The following GDAP1 variants were observed in gnomAD, a reference collection of about 807,000 sequenced individuals.
GDAP1 encodes ganglioside-induced differentiation-associated protein 1.
In GDAP1, 34 loss-of-function variants were observed where a neutral mutation model predicts 40.1. The observed-to-expected ratio is 0.85, with a 90% CI of 0.64 to 1.13. The LOEUF (loss-of-function observed/expected upper bound fraction) is 1.13, where lower values mean the gene tolerates loss of function less well. Ranked by LOEUF, GDAP1 falls within the 50% of genes most tolerant of loss-of-function variation. The pLI is 0.00. For synonymous variants in GDAP1, 170 were observed against 157.4 expected, an observed-to-expected ratio of 1.08 and a Z score of -0.60; for missense variants, 374 against 433.7, an observed-to-expected ratio of 0.86 and a Z score of 1.22.
At chr8:74,445,086 G>A (rs186682865) in intron 2 of GDAP1, among the ~76,000 whole-genome samples, 1 of 152,128 alleles carries the variant, frequency 6.6e-6, no homozygotes, top group Admixed American at 6.6e-5. Context: ...CGTCCTAGTC[G>A]ACAAGCAAGT....
chr8:74,467,507 G>A (rs534668663), intron 2 of GDAP1, among the ~76,000 whole-genome samples: 127 of 152,300 alleles, frequency 8.3e-4, no homozygotes, highest in African/African-American at 2.8e-3. Flanking sequence ...TTTTAAGTGG[G>A]TAAGTTCAGT....
intron 2 of GDAP1, among the ~76,000 whole-genome samples, chr8:74,413,351 C>G (rs1208499439): frequency 6.7e-6 from 1 of 149,834 alleles, no homozygotes; most frequent in African/African-American, 2.6e-5. Context: ...TTACCATTCC[C>G]CCTTCCGGGT....
chr8:74,357,653 C>T (rs1298990539), intron 2 of GDAP1, among the ~76,000 whole-genome samples: 2 of 152,132 alleles, frequency 1.3e-5, no homozygotes, highest in Non-Finnish European at 2.9e-5. Context: ...GATCTTGTGC[C>T]AACTTATTTG....
intron 2 of GDAP1, among the ~76,000 whole-genome samples, chr8:74,475,912 G>A (rs1309624107): frequency 6.6e-6 from 1 of 152,128 alleles, no homozygotes; most frequent in African/African-American, 2.4e-5. Flanking sequence ...TTGTGTGGGA[G>A]TCTAAGTCTC....
At position 74,361,932 on chromosome 8, in the gene GDAP1, A is replaced by G. The variant is rs1586804849; in HGVS notation, c.533A>G (p.Asn178Ser). The stretch of plus-strand genomic sequence containing the variant: ...GAGCTGAAGAAACTTGCTGAAGAAA[A>G]CCCAGATTTACAAGAAGCATACATT... The part of the protein sequence containing the change: ...ESELKKLAEE[N>S]PDLQEAYIAK... Residue 178 changes from asparagine (N) to serine (S), a missense_variant, in exon 4 of 6, where the codon AAC (asparagine) becomes AGC (serine). Physicochemically the swap from Asn to Ser is conservative, Grantham distance 46 (BLOSUM62 1). Transcript: ENST00000220822. 1 of 1,610,748 alleles carries G rather than the reference A, an allele frequency of 6.2e-7. No homozygotes were observed. Among genetic ancestry groups the G allele is most frequent in the Non-Finnish European group, 8.5e-7 (1 of 1,177,222 alleles).
intron 2 of GDAP1, among the ~76,000 whole-genome samples, chr8:74,471,167 A>G (rs966220840): frequency 3.3e-5 from 5 of 152,012 alleles, no homozygotes; most frequent in Admixed American, 2.6e-4. Flanking sequence ...AGATGAGTAG[A>G]TTGCAAAAAT....
At chr8:74,369,846 T>C (rs1809718478), downstream of GDAP1, among the ~76,000 whole-genome samples, 1 of 152,066 alleles carries the variant, frequency 6.6e-6, no homozygotes, top group Non-Finnish European at 1.5e-5. Context: ...AGAATGATGA[T>C]AAGAATGTGT....
intron 2 of GDAP1, among the ~76,000 whole-genome samples, chr8:74,484,870 C>G (rs1224411334): frequency 6.6e-6 from 1 of 152,100 alleles, no homozygotes; most frequent in African/African-American, 2.4e-5. Context: ...CAAAAAATCT[C>G]TGGTCTATGT....
At chr8:74,475,441 A>AAC (rs1331292635) in intron 2 of GDAP1, among the ~76,000 whole-genome samples, 1 of 152,048 alleles carries the variant, frequency 6.6e-6, no homozygotes, top group Admixed American at 6.5e-5. Context: ...TTTTCCTTTT[A>AAC]ACACTTCCTT....
At chr8:74,478,148 G>A (rs1806659192) in intron 2 of GDAP1, among the ~76,000 whole-genome samples, 1 of 151,976 alleles carries the variant, frequency 6.6e-6, no homozygotes, top group Non-Finnish European at 1.5e-5. Flanking sequence ...TAGGGGTGGG[G>A]CTGGTAGGTT....
At chr8:74,466,217 A>G (rs545229107) in intron 2 of GDAP1, among the ~76,000 whole-genome samples, 4 of 152,354 alleles carry the variant, frequency 2.6e-5, no homozygotes, top group East Asian at 3.9e-4. Flanking sequence ...GATATTGAGT[A>G]TCTCTGGATT....
chr8:74,442,387 A>C (rs992669452), intron 2 of GDAP1, among the ~76,000 whole-genome samples: 2 of 152,096 alleles, frequency 1.3e-5, no homozygotes, highest in Non-Finnish European at 2.9e-5. Flanking sequence ...CACTTCCTCA[A>C]CTCAGTAGCC....
In GDAP1 at chr8:74,485,343, A is replaced by G. The variant is rs114131766; in HGVS notation, c.166-3335A>G. 6.3e-3 allele frequency among the ~76,000 whole-genome samples: 965 copies of G among 152,304 alleles called. 13 individuals are homozygous for G. Among genetic ancestry groups the G allele is most frequent in the African/African-American group, 0.017 (686 of 41,574 alleles). Reference sequence around the variant, plus strand: ...CTATACCAAGAACTGTGACAGATACAAATGAAATAGAGTGACCATTAGTCC... The same window carrying G: ...CTATACCAAGAACTGTGACAGATACGAATGAAATAGAGTGACCATTAGTCC... On this transcript the variant is annotated intron_variant, in intron 2 of 2. Coordinates refer to the GDAP1 transcript ENST00000523640.
chr8:74,444,768 T>G (rs1806207826), intron 2 of GDAP1, among the ~76,000 whole-genome samples: 1 of 152,210 alleles, frequency 6.6e-6, no homozygotes. Flanking sequence ...CCCTTAAGAT[T>G]CAAAGTAGGC....
At chr8:74,386,324 C>T (rs1445403342) in intron 2 of GDAP1, among the ~76,000 whole-genome samples, 1 of 152,056 alleles carries the variant, frequency 6.6e-6, no homozygotes, top group Non-Finnish European at 1.5e-5. Context: ...GATTTTAGGT[C>T]TTATGTTTAA....
At chr8:74,468,286 T>G (rs1442423934) in intron 2 of GDAP1, among the ~76,000 whole-genome samples, 1 of 152,056 alleles carries the variant, frequency 6.6e-6, no homozygotes, top group Non-Finnish European at 1.5e-5. Context: ...TGCTTATCTA[T>G]AAAAAACTAT....
In GDAP1 at chr8:74,379,851, C is replaced by T. The variant is rs1033745421; in HGVS notation, c.165+28530C>T. 3.9e-5 allele frequency among the ~76,000 whole-genome samples: 6 copies of T among 152,084 alleles called. No individual in the cohort carries two copies. The East Asian group carries it at 5.8e-4, about 15-fold the overall frequency. Reference sequence around the variant, plus strand: ...AAACATCCTAAATAGGAGCAGAGACCTGCCTCAATAGTAAAGATTTTAGGG... The same window carrying T: ...AAACATCCTAAATAGGAGCAGAGACTTGCCTCAATAGTAAAGATTTTAGGG... On this transcript the variant is annotated intron_variant, in intron 2 of 2. Coordinates refer to the GDAP1 transcript ENST00000523640.
At chr8:74,354,250 T>A (rs899382450) in intron 2 of GDAP1, among the ~76,000 whole-genome samples, 1 of 152,228 alleles carries the variant, frequency 6.6e-6, no homozygotes, top group Non-Finnish European at 1.5e-5. Flanking sequence ...ACCATGAGGT[T>A]GGGAATAGTG....
chr8:74,358,130 A>G, intron 2 of GDAP1, among the ~76,000 whole-genome samples: 1 of 152,196 alleles, frequency 6.6e-6, no homozygotes, highest in Non-Finnish European at 1.5e-5. Context: ...AAATGGTTAG[A>G]CAGTAACGGC....
Sources: gnomAD v4.1 joint callset for allele counts (sites outside exome capture counted in the v4.1 genomes callset) on GRCh38, gnomAD v4.1.1 for gene constraint, MANE v1.5 for transcripts, NCBI Gene and HGNC (gene_info 2026-07-23, HGNC 2026-07-21) for gene names.